The following DLGAP1 variants were observed in gnomAD, a reference collection of about 807,000 sequenced individuals.
DLGAP1 encodes disks large-associated protein 1.
Under a neutral mutation model 90.8 loss-of-function variants are expected in DLGAP1, and 11 were observed. That is an observed-to-expected ratio of 0.12 (90% CI 0.08 to 0.20). The LOEUF is 0.20. DLGAP1 is among the 10% of genes least tolerant of loss of function. The pLI, the probability that DLGAP1 is intolerant of heterozygous loss-of-function variation, is 1.00. For synonymous variants in DLGAP1, 558 were observed against 540.7 expected (o/e 1.03, Z -0.44); for missense variants, 1,050 against 1,333.8 (o/e 0.79, Z 3.31).
At chr18:4,254,270 C>G (rs1028409714) in intron 1 of DLGAP1, among the ~76,000 whole-genome samples, 1 of 152,108 alleles carries the variant, frequency 6.6e-6, no homozygotes, top group South Asian at 2.1e-4. Flanking sequence ...GTTGATGATC[C>G]TAATTTTTAA....
chr18:4,437,412 C>T (rs2083427098), intron 1 of DLGAP1, among the ~76,000 whole-genome samples: 1 of 152,156 alleles, frequency 6.6e-6, no homozygotes, highest in African/African-American at 2.4e-5. Context: ...TACCAAAACT[C>T]GAGGATGCCC....
At chr18:3,723,202 T>C (rs1598462964) in intron 7 of DLGAP1, among the ~76,000 whole-genome samples, 1 of 152,276 alleles carries the variant, frequency 6.6e-6, no homozygotes, top group Middle Eastern at 3.4e-3. Context: ...GAAACTTCTG[T>C]TTACAGATAG....
chr18:4,315,939 G>A (rs1040264813), intron 1 of DLGAP1, among the ~76,000 whole-genome samples: 1 of 152,144 alleles, frequency 6.6e-6, no homozygotes, highest in East Asian at 1.9e-4. Context: ...TTCATAGGAC[G>A]GTTGGGTTTT....
chr18:3,983,737 C>T (rs1319227376), intron 3 of DLGAP1: 1 of 152,186 alleles, frequency 6.6e-6, no homozygotes, highest in Non-Finnish European at 1.5e-5. Context: ...AAAGACTCTC[C>T]TATTATGAAA....
intron 7 of DLGAP1, among the ~76,000 whole-genome samples, chr18:3,641,932 TG>T (rs1407222611): frequency 1.3e-5 from 2 of 152,330 alleles, no homozygotes; most frequent in East Asian, 3.9e-4. Context: ...TAAATGCCTT[TG>T]GACGCTAAAT....
At chr18:3,859,578 C>A (rs919054952) in intron 4 of DLGAP1, among the ~76,000 whole-genome samples, 1 of 152,002 alleles carries the variant, frequency 6.6e-6, no homozygotes, top group African/African-American at 2.4e-5. Context: ...AAAGTCAGAG[C>A]GAGAGTTGTG....
At chr18:3,706,482 C>A (rs376673638) in intron 7 of DLGAP1, among the ~76,000 whole-genome samples, 3 of 152,164 alleles carry the variant, frequency 2.0e-5, no homozygotes, top group Non-Finnish European at 2.9e-5. Context: ...CTGCAAAGAG[C>A]AAGCATCAAC....
chr18:4,082,578 A>ATCAT (rs2075626919), intron 2 of DLGAP1, among the ~76,000 whole-genome samples: 1 of 150,388 alleles, frequency 6.6e-6, no homozygotes, highest in Non-Finnish European at 1.5e-5. Flanking sequence ...GGTGGGGGTA[A>ATCAT]TCATTCAGCG....
intron 2 of DLGAP1, among the ~76,000 whole-genome samples, chr18:4,019,878 G>A (rs889603032): frequency 2.6e-5 from 4 of 152,098 alleles, no homozygotes; most frequent in African/African-American, 9.7e-5. Flanking sequence ...ATTTCACCAA[G>A]AGCAAATTCT....
rs1197771195 is a variant in DLGAP1, at chr18:3,534,271, T to C, written c.2402A>G (p.Gln801Arg). 6.2e-7 allele frequency: 1 copy of C among 1,614,228 alleles called. No individual in the cohort carries two copies. Among genetic ancestry groups the C allele is most frequent in the Admixed American group, 1.7e-5 (1 of 60,032 alleles). Residue 801 changes from glutamine (Q) to arginine (R), a missense_variant, in exon 10 of 13, where the codon CAG (glutamine) becomes CGG (arginine). Transcript: ENST00000315677. ...RDGHWFLKLL[Q>R]AERDRMEGWC... ...CCCCTCCATGCGGTCTCGCTCTGCCTGGAGAAGCTTCAGGAACCAGTGGCC... is the reference window on the plus strand; with the variant it reads ...CCCCTCCATGCGGTCTCGCTCTGCCCGGAGAAGCTTCAGGAACCAGTGGCC...
At chr18:4,140,068 T>C (rs1293757795) in intron 2 of DLGAP1, among the ~76,000 whole-genome samples, 1 of 151,924 alleles carries the variant, frequency 6.6e-6, no homozygotes, top group Admixed American at 6.6e-5. Context: ...AGCCACTCTG[T>C]CTTTTGACTG....
chr18:4,026,321 A>G (rs1363605905), intron 2 of DLGAP1, among the ~76,000 whole-genome samples: 2 of 152,228 alleles, frequency 1.3e-5, no homozygotes, highest in Non-Finnish European at 2.9e-5. Context: ...AGATATCCAT[A>G]TTCTAAAATG....
intron 1 of DLGAP1, among the ~76,000 whole-genome samples, chr18:4,284,905 T>C (rs754194270): frequency 7.2e-5 from 11 of 152,356 alleles, no homozygotes; most frequent in Admixed American, 2.6e-4. Flanking sequence ...TGTACAATGC[T>C]GATTTCTGAG....
intron 1 of DLGAP1, among the ~76,000 whole-genome samples, chr18:4,424,518 C>A (rs2083109548): frequency 6.6e-6 from 1 of 151,984 alleles, no homozygotes; most frequent in Admixed American, 6.6e-5. Flanking sequence ...ACAAGCTGGC[C>A]AGTCATTGAG....
chr18:4,317,231 C>T (rs1046768473), intron 1 of DLGAP1, among the ~76,000 whole-genome samples: 9 of 152,286 alleles, frequency 5.9e-5, no homozygotes, highest in Admixed American at 5.2e-4. Flanking sequence ...CCTGTTGGGA[C>T]ACCTATTCAT....
At position 4,383,370 on chromosome 18, in the gene DLGAP1, T is replaced by C. The variant is rs1470480380; in HGVS notation, c.-267+71636A>G. 6.6e-6 allele frequency among the ~76,000 whole-genome samples: 1 copy of C among 152,176 alleles called. No individual in the cohort carries two copies. The highest frequency in any genetic ancestry group is 2.4e-5 in the African/African-American group (1 of 41,456). ...TAGTACATTAATGGGATTTTCATGGTTTTCATTAGCATTCATTTTCCTTTT... is the reference window on the plus strand; with the variant it reads ...TAGTACATTAATGGGATTTTCATGGCTTTCATTAGCATTCATTTTCCTTTT... On this transcript the variant is annotated intron_variant, in intron 1 of 12. Coordinates refer to ENST00000315677, the MANE Select transcript of DLGAP1 (RefSeq NM_004746.4). This position sits in a 1 kb window ranked among gnomAD's most constrained non-coding sequence, Gnocchi z 4.0.
At chr18:3,710,212 C>T (rs2061557278) in intron 7 of DLGAP1, among the ~76,000 whole-genome samples, 1 of 152,126 alleles carries the variant, frequency 6.6e-6, no homozygotes, top group African/African-American at 2.4e-5. Context: ...CGGAACACTT[C>T]TCACACACTC....
chr18:4,377,632 C>G (rs1662127829), intron 1 of DLGAP1, among the ~76,000 whole-genome samples: 1 of 152,042 alleles, frequency 6.6e-6, no homozygotes, highest in Admixed American at 6.6e-5. Context: ...TATATTATGA[C>G]ATGTAAATTA....
At chr18:3,875,501 G>A (rs1183046379) in intron 4 of DLGAP1, among the ~76,000 whole-genome samples, 1 of 152,156 alleles carries the variant, frequency 6.6e-6, no homozygotes, top group African/African-American at 2.4e-5. Flanking sequence ...ATTTGGAGGA[G>A]GTAGAGATTG....
Sources: gnomAD v4.1 joint callset for allele counts (sites outside exome capture counted in the v4.1 genomes callset) on GRCh38, gnomAD v4.1.1 for gene constraint, Gnocchi (gnomAD v3.1) non-coding constraint, MANE v1.5 for transcripts, NCBI Gene and HGNC (gene_info 2026-07-23, HGNC 2026-07-21) for gene names.